CENPK: variants seen among roughly 807,000 people sequenced by gnomAD.
The protein encoded by CENPK is centromere protein K.
CENPK carries 46 observed loss-of-function variants against 40.9 expected under a neutral mutation model. The observed-to-expected ratio is 1.13, with a 90% CI of 0.89 to 1.44. The LOEUF (loss-of-function observed/expected upper bound fraction) is 1.44, where lower values mean the gene tolerates loss of function less well. Among genes scored for constraint, CENPK ranks in the 40% most tolerant of loss-of-function variants. CENPK has a pLI of 0.00. For missense variants in CENPK, 288 were observed against 303.5 expected (o/e 0.95, Z 0.38); for synonymous variants, 107 against 104.4 (o/e 1.02, Z -0.15).
intron 4 of CENPK, 138 bp downstream of exon 4, chr5:65,552,355 G>C (rs1258269770): frequency 4.2e-6 from 2 of 471,528 alleles, no homozygotes; most frequent in African/African-American, 2.0e-5. Flanking sequence ...GGAAGAGTAA[G>C]AAGTTTTCCA....
In CENPK at chr5:65,547,943, C is replaced by A. The variant is rs564351738; in HGVS notation, c.241+3621G>T. Among the ~76,000 whole-genome samples, 39 of 152,228 alleles carry A rather than the reference C, an allele frequency of 2.6e-4. No homozygotes were observed. In the South Asian group the frequency reaches 7.5e-3, roughly 29 times the overall value. On this transcript the variant is annotated intron_variant, in intron 5 of 10. Coordinates refer to ENST00000396679, the MANE Select transcript of CENPK (RefSeq NM_022145.5). ...TCTCCCAAAGTGCTGGGATTACAGG[C>A]ATGAGCCACAGCGCCCAGCCTGGGG...
chr5:65,554,989 C>A, intron 2 of CENPK, 43 bp from the exon 3 acceptor site: 1 of 815,716 alleles, frequency 1.2e-6, no homozygotes, highest in Non-Finnish European at 2.1e-6. Context: ...ATTGGTTGAA[C>A]ACTTATTACC....
intron 3 of CENPK, 102 bp from the exon 4 acceptor site, chr5:65,552,651 G>T: frequency 1.7e-6 from 1 of 577,934 alleles, no homozygotes; most frequent in Non-Finnish European, 3.0e-6. Context: ...CTCTTCTAAA[G>T]CACAAACATC....
rs1581117205 is a variant in CENPK, at chr5:65,559,616, G to A, written c.-40+1847C>T. Among the ~76,000 whole-genome samples, 8 of 134,504 alleles carry A rather than the reference G, an allele frequency of 5.9e-5. No individual in the cohort carries two copies. The South Asian group carries it at 1.5e-3, about 25-fold the overall frequency. 88.2% of individuals were successfully genotyped at this position (134,504 alleles called of 152,430 possible). On this transcript the variant is annotated intron_variant, in intron 2 of 10. Transcript: ENST00000396679. ...TGCACTCCAGCCTGGGCGACAGAGC[G>A]AGACTCCGTCTCAGAAAAAAAAAAA...
chr5:65,528,701 TAC>T lies in CENPK; in HGVS notation c.471-125_471-124del, dbSNP rs1561632890. 3.6e-5 allele frequency: 45 copies of T among 1,239,682 alleles called. No individual in the cohort carries two copies. The African/African-American group carries it at 4.9e-4, about 14-fold the overall frequency. 76.8% of individuals were successfully genotyped at this position (1,239,682 alleles called of 1,614,324 possible). The stretch of plus-strand genomic sequence containing the variant: ...ACTTCATTTGCTCAAACCAAATAAC[TAC>T]CTTTTTGAAAATCATATTGTCTATA... On this transcript the variant is annotated intron_variant, in intron 8 of 10. Transcript: ENST00000396679.
chr5:65,524,097 C>G (rs1336394755), intron 9 of CENPK, among the ~76,000 whole-genome samples: 1 of 152,054 alleles, frequency 6.6e-6, no homozygotes, highest in African/African-American at 2.4e-5. Context: ...AGGCTTGGCC[C>G]GGGCACGGTG....
At chr5:65,527,920 T>A (rs1387645836) in intron 9 of CENPK, among the ~76,000 whole-genome samples, 5 of 152,146 alleles carry the variant, frequency 3.3e-5, no homozygotes, top group Admixed American at 3.3e-4. Context: ...TCCCATCATA[T>A]GGATATAACA....
At chr5:65,514,167 T>C (rs763462000), downstream of CENPK, among the ~76,000 whole-genome samples, 1 of 150,452 alleles carries the variant, frequency 6.6e-6, no homozygotes, top group African/African-American at 2.4e-5. Flanking sequence ...TAGTCTGTAG[T>C]TGTCCTTTCT....
In CENPK at chr5:65,554,855, G is replaced by A. The variant is rs760347848; in HGVS notation, c.53C>T (p.Thr18Ile). The A allele has an allele frequency of 1.2e-6, 2 of 1,605,070 alleles. No homozygotes were observed. The highest frequency in any genetic ancestry group is 1.7e-6 in the Non-Finnish European group (2 of 1,172,272). The change falls in exon 3 of 11, where the codon ACA becomes ATA. Residue 18 changes from threonine to isoleucine, a missense_variant. Thr to Ile is a moderately conservative substitution (Grantham distance 89). Coordinates refer to ENST00000396679, the MANE Select transcript of CENPK (RefSeq NM_022145.5). Reference protein sequence around the residue: ...PDSTTDVGDVTNTEEELIREC... With the variant: ...PDSTTDVGDVINTEEELIREC... Reference sequence around the variant, plus strand: ...TCTAATAAGTTCTTCTTCAGTATTTGTAACATCTCCCACATCTGTAGTACT... The same window carrying A: ...TCTAATAAGTTCTTCTTCAGTATTTATAACATCTCCCACATCTGTAGTACT...
At chr5:65,527,745 A>G (rs1744982188) in intron 9 of CENPK, among the ~76,000 whole-genome samples, 1 of 152,020 alleles carries the variant, frequency 6.6e-6, no homozygotes, top group South Asian at 2.1e-4. Flanking sequence ...GTGAAAAGCA[A>G]AAAACCACCC....
In CENPK at chr5:65,561,522, A is replaced by G. The variant is rs1470058908; in HGVS notation, c.-99T>C. ...CTGGAAGAGGGTCATCAACAGAACC[A>G]GAAAATGATGGCACCCAGATCTTGA... On this transcript the variant is annotated 5_prime_UTR_variant, in exon 2 of 11. Coordinates refer to ENST00000396679, the MANE Select transcript of CENPK (RefSeq NM_022145.5). 1 of 456,140 alleles carries G rather than the reference A, an allele frequency of 2.2e-6. No homozygotes were observed. The highest frequency in any genetic ancestry group is 1.5e-5 in the South Asian group (1 of 64,562). 28.3% of individuals were successfully genotyped at this position (456,140 alleles called of 1,614,324 possible). A position where few individuals can be genotyped will look rare whatever the true frequency, so the allele number is the denominator to read the frequency against.
downstream of CENPK, among the ~76,000 whole-genome samples, chr5:65,515,075 GATTTA>G (rs58863975): frequency 0.2 from 29,882 of 151,276 alleles, 3,444 homozygotes; most frequent in South Asian, 0.32. Flanking sequence ...GCTTACTTTG[GATTTA>G]ATTTGCTTTT....
chr5:65,545,905 G>T (rs1293442410), intron 5 of CENPK, among the ~76,000 whole-genome samples: 1 of 152,156 alleles, frequency 6.6e-6, no homozygotes, highest in African/African-American at 2.4e-5. Flanking sequence ...CAGAAATTGT[G>T]AGATAATAAA....
At chr5:65,512,083 C>T in the CENPK span, among the ~76,000 whole-genome samples, 5 of 152,100 alleles carry the variant, frequency 3.3e-5, no homozygotes, top group Non-Finnish European at 4.4e-5. Flanking sequence ...GTAGAAATAT[C>T]AAGAGAACTA....
At chr5:65,557,525 C>A (rs1350533881) in intron 2 of CENPK, among the ~76,000 whole-genome samples, 2 of 152,174 alleles carry the variant, frequency 1.3e-5, no homozygotes, top group African/African-American at 2.4e-5. Flanking sequence ...CCCAAAGTAG[C>A]ACAAAAGGAA....
At chr5:65,545,320 GCGCGCACACACACACACACACACACACA>G (rs1398867467) in intron 5 of CENPK, among the ~76,000 whole-genome samples, 10 of 34,584 alleles carry the variant, frequency 2.9e-4, no homozygotes, top group African/African-American at 1.2e-3. Context: ...AGTCCTCAAA[GCGCGCACACACACACACACACACACACA>G]CACACACACA....
chr5:65,504,489 T>G, the CENPK span, among the ~76,000 whole-genome samples: 1 of 150,314 alleles, frequency 6.7e-6, no homozygotes, highest in African/African-American at 2.4e-5. Flanking sequence ...CCACGAGTAT[T>G]TCTCTCGTAA....
the CENPK span, among the ~76,000 whole-genome samples, chr5:65,499,492 A>G: frequency 6.6e-6 from 1 of 151,378 alleles, no homozygotes; most frequent in Non-Finnish European, 1.5e-5. Flanking sequence ...GTCTTGGTGT[A>G]GACTTCTTTA....
intron 10 of CENPK, among the ~76,000 whole-genome samples, chr5:65,519,380 T>C (rs964316009): frequency 2.0e-5 from 3 of 152,244 alleles, no homozygotes; most frequent in Non-Finnish European, 4.4e-5. Context: ...ATTGTTTGAA[T>C]ACTAATGTTA....
Sources: allele counts gnomAD v4.1 joint callset (sites outside exome capture counted in the v4.1 genomes callset), GRCh38; gene constraint gnomAD v4.1.1; transcripts MANE v1.5; gene names NCBI Gene and HGNC (gene_info 2026-07-23, HGNC 2026-07-21).